THSD7B: variants seen among roughly 807,000 people sequenced by gnomAD.
The protein encoded by THSD7B is thrombospondin type-1 domain-containing protein 7B.
A neutral mutation model predicts 213.6 loss-of-function variants in THSD7B; 138 were observed. The observed-to-expected ratio is 0.65, with a 90% CI of 0.56 to 0.74. The LOEUF is 0.74. THSD7B is among the 30% of genes least tolerant of loss of function. The probability of loss-of-function intolerance (pLI) is 0.00; values close to 1 mark genes in which losing one functional copy is unlikely to be tolerated. For synonymous variants in THSD7B, 742 were observed against 687.0 expected (o/e 1.08, Z -1.25); for missense variants, 1,931 against 1,991.5 (o/e 0.97, Z 0.58).
intron 7 of THSD7B, among the ~76,000 whole-genome samples, chr2:137,189,301 C>T (rs749338878): frequency 2.0e-5 from 3 of 152,170 alleles, no homozygotes; most frequent in African/African-American, 4.8e-5. Context: ...CAACACTTGT[C>T]AAGAACCTAT....
At chr2:137,291,076 C>T (rs1489225077) in intron 12 of THSD7B, among the ~76,000 whole-genome samples, 1 of 152,136 alleles carries the variant, frequency 6.6e-6, no homozygotes, top group African/African-American at 2.4e-5. Context: ...TTTTATGTCT[C>T]TAACTGCTCT....
intron 17 of THSD7B, among the ~76,000 whole-genome samples, 174 bp from the exon 18 acceptor site, chr2:137,616,001 A>C (rs1384182146): frequency 6.6e-6 from 1 of 152,178 alleles, no homozygotes; most frequent in East Asian, 1.9e-4. Context: ...TCAGGTGGAG[A>C]AAAAGAATTT....
At chr2:136,878,478 T>A (rs1473908676) in intron 1 of THSD7B, among the ~76,000 whole-genome samples, 1 of 152,252 alleles carries the variant, frequency 6.6e-6, no homozygotes, top group African/African-American at 2.4e-5. Context: ...TTCTAGATCC[T>A]TGAGGAATTG....
At chr2:136,888,944 GGTGTGT>G (rs5834520) in intron 2 of THSD7B, among the ~76,000 whole-genome samples, 9 of 72,868 alleles carry the variant, frequency 1.2e-4, no homozygotes, top group East Asian at 2.2e-4. Context: ...TGTCTTTTGG[GGTGTGT>G]GTGTGTGTGT....
chr2:136,993,774 GA>G (rs1685830073), intron 2 of THSD7B, among the ~76,000 whole-genome samples: 1 of 152,216 alleles, frequency 6.6e-6, no homozygotes, highest in Non-Finnish European at 1.5e-5. Context: ...AGGCCTCTGA[GA>G]CAGGGAAATG....
At chr2:136,810,039 A>G (rs546557567) in intron 1 of THSD7B, among the ~76,000 whole-genome samples, 64 of 152,196 alleles carry the variant, frequency 4.2e-4, no homozygotes, top group Non-Finnish European at 7.6e-4. Flanking sequence ...TTTATAATTC[A>G]TGTAAAGGTA....
At chr2:137,553,312 TTA>T (rs1573703316) in intron 15 of THSD7B, among the ~76,000 whole-genome samples, 1 of 152,260 alleles carries the variant, frequency 6.6e-6, no homozygotes, top group East Asian at 1.9e-4. Flanking sequence ...GTGGTTGTTG[TTA>T]AAGGATTATT....
At chr2:137,334,410 C>T (rs1010372405) in intron 12 of THSD7B, among the ~76,000 whole-genome samples, 1 of 152,120 alleles carries the variant, frequency 6.6e-6, no homozygotes, top group Non-Finnish European at 1.5e-5. Context: ...AGAATAGACC[C>T]TGCCTTTATT....
intron 12 of THSD7B, among the ~76,000 whole-genome samples, chr2:137,344,322 G>A (rs1684827773): frequency 6.6e-6 from 1 of 151,652 alleles, no homozygotes; most frequent in Admixed American, 6.6e-5. Flanking sequence ...TGAATAATGT[G>A]GCTTACAAGT....
chr2:137,186,848 G>A (rs1157778625), intron 7 of THSD7B, among the ~76,000 whole-genome samples: 7 of 152,032 alleles, frequency 4.6e-5, no homozygotes, highest in African/African-American at 7.2e-5. Flanking sequence ...GAACATGGAT[G>A]TTTTTCCATT....
intron 12 of THSD7B, among the ~76,000 whole-genome samples, chr2:137,403,624 C>T (rs1316734310): frequency 6.6e-6 from 1 of 152,156 alleles, no homozygotes; most frequent in African/African-American, 2.4e-5. Flanking sequence ...CAGGGTAGAC[C>T]AGAATTATGT....
At chr2:137,288,456 G>A (rs148650067) in intron 12 of THSD7B, among the ~76,000 whole-genome samples, 1 of 152,196 alleles carries the variant, frequency 6.6e-6, no homozygotes, top group African/African-American at 2.4e-5. Context: ...AACTGAAAAT[G>A]GGAAAGCAGG....
intron 12 of THSD7B, among the ~76,000 whole-genome samples, chr2:137,361,575 A>G (rs1480598336): frequency 3.3e-5 from 5 of 152,196 alleles, no homozygotes; most frequent in African/African-American, 1.2e-4. Flanking sequence ...CACGAGAACT[A>G]CATGATGCAT....
intron 12 of THSD7B, among the ~76,000 whole-genome samples, chr2:137,365,761 G>A (rs1685392844): frequency 6.6e-6 from 1 of 152,186 alleles, no homozygotes; most frequent in South Asian, 2.1e-4. Context: ...GAGAGGATGT[G>A]GAGAAATAGG....
chr2:136,768,676 A>G (rs1484735596), intron 1 of THSD7B, among the ~76,000 whole-genome samples: 1 of 152,230 alleles, frequency 6.6e-6, no homozygotes, highest in Admixed American at 6.5e-5. Flanking sequence ...CAGACAAAGC[A>G]TAAAGGCTGG....
At chr2:136,928,780 G>A (rs114658212) in intron 2 of THSD7B, among the ~76,000 whole-genome samples, 1,584 of 152,134 alleles carry the variant, frequency 0.01, 20 homozygotes, top group African/African-American at 0.036. Flanking sequence ...CAGAGTTTTA[G>A]GAGCTCATCT....
intron 1 of THSD7B, among the ~76,000 whole-genome samples, chr2:136,823,416 T>C (rs1297993415): frequency 1.3e-5 from 2 of 152,208 alleles, no homozygotes; most frequent in African/African-American, 4.8e-5. Flanking sequence ...CTTGTTTTTA[T>C]AGACATTTTG....
At chr2:136,902,440 TTCA>T (rs1684078961) in intron 2 of THSD7B, among the ~76,000 whole-genome samples, 1 of 152,238 alleles carries the variant, frequency 6.6e-6, no homozygotes, top group African/African-American at 2.4e-5. Context: ...ACCTGGCCTC[TTCA>T]TTAACAAGTG....
At chr2:137,602,765 G>C (rs1173761588) in intron 17 of THSD7B, among the ~76,000 whole-genome samples, 1 of 152,112 alleles carries the variant, frequency 6.6e-6, no homozygotes, top group Non-Finnish European at 1.5e-5. Flanking sequence ...GAGTCCCCAT[G>C]GCCTAATTAC....
Sources: gnomAD v4.1 joint callset for allele counts (sites outside exome capture counted in the v4.1 genomes callset) on GRCh38, gnomAD v4.1.1 for gene constraint, MANE v1.5 for transcripts, NCBI Gene and HGNC (gene_info 2026-07-23, HGNC 2026-07-21) for gene names.